CD1B: variants seen among roughly 807,000 people sequenced by gnomAD.
CD1B encodes CD1b molecule.
In CD1B, 43 loss-of-function variants were observed where a neutral mutation model predicts 39.8. That is an observed-to-expected ratio of 1.08 (90% CI 0.85 to 1.39). CD1B has a LOEUF of 1.39. CD1B is among the 40% of genes most tolerant of loss of function. The pLI, the probability that CD1B is intolerant of heterozygous loss-of-function variation, is 0.00. For missense variants in CD1B, 495 were observed against 403.8 expected (o/e 1.23, Z -1.94); for synonymous variants, 192 against 152.5 (o/e 1.26, Z -1.91).
the CD1B span, chr1:158,292,265 T>C: frequency 2.5e-6 from 4 of 1,614,098 alleles, no homozygotes; most frequent in African/African-American, 2.7e-5. Flanking sequence ...ATCATCAGTA[T>C]GAAGGCGTCA....
chr1:158,305,426 C>A, the CD1B span, among the ~76,000 whole-genome samples: 1 of 152,220 alleles, frequency 6.6e-6, no homozygotes, highest in Middle Eastern at 3.4e-3. Context: ...AAATATGGGA[C>A]TATGTGAAAA....
At chr1:158,307,745 T>A in the CD1B span, among the ~76,000 whole-genome samples, 1 of 152,046 alleles carries the variant, frequency 6.6e-6, no homozygotes, top group South Asian at 2.1e-4. Context: ...CCTGATAAAG[T>A]GGGCTTCATC....
At chr1:158,307,354 G>A in the CD1B span, among the ~76,000 whole-genome samples, 8 of 151,948 alleles carry the variant, frequency 5.3e-5, no homozygotes, top group African/African-American at 1.7e-4. Flanking sequence ...TAAATTCCTC[G>A]ACACGTACAC....
the CD1B span, among the ~76,000 whole-genome samples, chr1:158,293,812 T>A: frequency 2.0e-5 from 3 of 152,152 alleles, no homozygotes; most frequent in Non-Finnish European, 4.4e-5. Context: ...TTCACATTTT[T>A]AAGCTTTTAG....
At chr1:158,330,198 T>C in intron 2 of CD1B, 68 bp from the exon 3 acceptor site, 1 of 1,398,682 alleles carries the variant, frequency 7.1e-7, no homozygotes, top group Non-Finnish European at 9.7e-7. Flanking sequence ...GAAAAGAACC[T>C]AGGATTTTAG....
At chr1:158,331,250 G>C in intron 1 of CD1B, 113 bp downstream of exon 1, 1 of 1,159,372 alleles carries the variant, frequency 8.6e-7, no homozygotes, top group Non-Finnish European at 1.3e-6. Context: ...GAAGAGGGCG[G>C]GAGACAGAAA....
chr1:158,329,521 C>A lies in CD1B; in HGVS notation c.735G>T (p.Gln245His). The change falls in exon 4 of 6, where the codon CAG becomes CAT. Residue 245 changes from glutamine to histidine, a missense_variant. Transcript: ENST00000368168. ...WVMWMRGEQE[Q>H]QGTQLGDILP... ...GGATGTCCCCTAGCTGAGTGCCCTG[C>A]TGCTCCTGCTCACCCCGCATCCACA... 6.2e-7 allele frequency: 1 copy of A among 1,614,182 alleles called. No homozygotes were observed. The highest frequency in any genetic ancestry group is 8.5e-7 in the Non-Finnish European group (1 of 1,180,044).
chr1:158,305,924 G>A, the CD1B span, among the ~76,000 whole-genome samples: 6 of 152,146 alleles, frequency 3.9e-5, no homozygotes, highest in South Asian at 4.1e-4. Flanking sequence ...AAGAGCTCCC[G>A]AAGGAAGCAC....
At chr1:158,317,340 T>C in the CD1B span, among the ~76,000 whole-genome samples, 1 of 152,166 alleles carries the variant, frequency 6.6e-6, no homozygotes, top group Admixed American at 6.6e-5. Flanking sequence ...CAATTTCATA[T>C]CCTGTTATTG....
At chr1:158,291,038 T>C in the CD1B span, 4 of 1,279,906 alleles carry the variant, frequency 3.1e-6, no homozygotes, top group Non-Finnish European at 3.2e-6. Flanking sequence ...TTAATGTTTC[T>C]CTGTGGTAAC....
downstream of CD1B, among the ~76,000 whole-genome samples, chr1:158,324,513 A>T (rs1211197545): frequency 1.1e-4 from 17 of 152,220 alleles, no homozygotes. Flanking sequence ...AATTACATTG[A>T]TTCATCGGAA....
the CD1B span, among the ~76,000 whole-genome samples, chr1:158,312,060 A>T: frequency 1.3e-5 from 2 of 152,180 alleles, no homozygotes; most frequent in Non-Finnish European, 2.9e-5. Context: ...TAGAGATTAC[A>T]TTGAATCTGT....
the CD1B span, among the ~76,000 whole-genome samples, chr1:158,297,106 T>C: frequency 1.3e-5 from 2 of 152,132 alleles, no homozygotes; most frequent in East Asian, 3.9e-4. Context: ...AGAGAACTCC[T>C]GAGAGATACT....
chr1:158,318,511 G>C, the CD1B span, among the ~76,000 whole-genome samples: 6 of 151,872 alleles, frequency 4.0e-5, no homozygotes, highest in Admixed American at 1.3e-4. Context: ...TTTTCCATTT[G>C]CTTGGTAGAT....
chr1:158,300,186 T>A, the CD1B span, among the ~76,000 whole-genome samples: 1 of 152,220 alleles, frequency 6.6e-6, no homozygotes, highest in African/African-American at 2.4e-5. Context: ...GTACATTGTG[T>A]CTTTGTTCTC....
the CD1B span, among the ~76,000 whole-genome samples, chr1:158,286,472 T>C: frequency 6.6e-6 from 1 of 152,200 alleles, no homozygotes; most frequent in Non-Finnish European, 1.5e-5. Context: ...TCTGGGTTAT[T>C]TTTCATGAAA....
At position 158,329,016 on chromosome 1, in the gene CD1B, T is replaced by C; in HGVS notation, c.887-2A>G. On this transcript the variant is annotated splice_acceptor_variant, in intron 4 of 5. Transcript: ENST00000368168. LOFTEE classifies it high-confidence loss of function. The stretch of plus-strand genomic sequence containing the variant: ...TTGAGCCAATGGAGGTGGGGTTTCC[T>C]GGCAATTGAGAGAGGACAAAAGGAT... 1 of 1,611,390 alleles carries C rather than the reference T, an allele frequency of 6.2e-7. No homozygotes were observed. Among genetic ancestry groups the C allele is most frequent in the Non-Finnish European group, 8.5e-7 (1 of 1,178,622 alleles).
chr1:158,290,636 G>A, the CD1B span, among the ~76,000 whole-genome samples: 1 of 152,154 alleles, frequency 6.6e-6, no homozygotes, highest in Admixed American at 6.5e-5. Flanking sequence ...GATTGTCTTA[G>A]TTGCTGTCAG....
Position 158,329,539 on chromosome 1 carries a change from C to G in CD1B, c.717G>C (p.Met239Ile). 1.2e-6 allele frequency: 2 copies of G among 1,614,132 alleles called. No homozygotes were observed. The highest frequency in any genetic ancestry group is 1.7e-6 in the Non-Finnish European group (2 of 1,180,028). ...TGCCCTGCTGCTCCTGCTCACCCCG[C>G]ATCCACATCACCCACACGGGCTTTG... The part of the protein sequence containing the change: ...FYPKPVWVMW[M>I]RGEQEQQGTQ... Residue 239 changes from methionine to isoleucine, a missense_variant, in exon 4 of 6, where the codon ATG (methionine) becomes ATC (isoleucine). By Grantham distance (10) the Met-to-Ile change is conservative (BLOSUM62 1). Coordinates refer to ENST00000368168, the MANE Select transcript of CD1B (RefSeq NM_001764.3).
Sources: allele counts gnomAD v4.1 joint callset (sites outside exome capture counted in the v4.1 genomes callset), GRCh38; gene constraint gnomAD v4.1.1; transcripts MANE v1.5; gene names NCBI Gene and HGNC (gene_info 2026-07-23, HGNC 2026-07-21).